The following CLMN variants were observed in gnomAD, a reference collection of about 807,000 sequenced individuals.
The protein encoded by CLMN is calmin (calponin-like, transmembrane).
In CLMN, 57 loss-of-function variants were observed where a neutral mutation model predicts 92.7. The ratio of observed to expected loss-of-function variants is 0.61; its 90% CI spans 0.50 to 0.77. The LOEUF (loss-of-function observed/expected upper bound fraction) is 0.77, where lower values mean the gene tolerates loss of function less well. Among genes scored for constraint, CLMN ranks in the 30% least tolerant of loss-of-function variants. CLMN has a pLI of 0.00. For missense variants in CLMN, 1,158 were observed against 1,237.5 expected (o/e 0.94, Z 0.96); for synonymous variants, 466 against 470.6 (o/e 0.99, Z 0.13).
At chr14:95,276,780 G>A (rs548242364) in intron 1 of CLMN, among the ~76,000 whole-genome samples, 4 of 152,292 alleles carry the variant, frequency 2.6e-5, no homozygotes, top group South Asian at 4.1e-4. Context: ...CTTGCCAGGT[G>A]GATACTGGAC....
chr14:95,212,649 G>A (rs1268986864), intron 6 of CLMN, among the ~76,000 whole-genome samples: 2 of 152,190 alleles, frequency 1.3e-5, no homozygotes, highest in African/African-American at 4.8e-5. Flanking sequence ...ACATGCCCAT[G>A]TTGAGAGGCA....
intron 7 of CLMN, 132 bp downstream of exon 7, chr14:95,210,554 G>A (rs1326358561): frequency 1.2e-6 from 1 of 808,562 alleles, no homozygotes; most frequent in Admixed American, 3.2e-5. Context: ...CATATGATCT[G>A]AGTGGTAGAA....
Position 95,294,955 on chromosome 14 carries a change from C to T in CLMN, c.82+24756G>A, listed in dbSNP as rs567522235. 6.6e-5 allele frequency among the ~76,000 whole-genome samples: 10 copies of T among 152,356 alleles called. No individual in the cohort carries two copies. The highest frequency in any genetic ancestry group is 7.3e-5 in the Non-Finnish European group (5 of 68,038). On this transcript the variant is annotated intron_variant, in intron 1 of 12. Coordinates refer to ENST00000298912, the MANE Select transcript of CLMN (RefSeq NM_024734.4). The surrounding 1 kb of genome is among the most constrained non-coding windows in gnomAD (Gnocchi z 4.2). ...CTCACCAGGCGATAGCTTTGTGGGG[C>T]TCCTATAATTCAGCCCCCTCTTCTT...
At chr14:95,252,452 T>C (rs1170460789) in intron 1 of CLMN, among the ~76,000 whole-genome samples, 1 of 152,220 alleles carries the variant, frequency 6.6e-6, no homozygotes, top group Non-Finnish European at 1.5e-5. Context: ...AATGAGCACC[T>C]TGAATGTTCA....
At chr14:95,262,438 A>C (rs1487084975) in intron 1 of CLMN, among the ~76,000 whole-genome samples, 1 of 152,244 alleles carries the variant, frequency 6.6e-6, no homozygotes, top group Non-Finnish European at 1.5e-5. Flanking sequence ...TGAAATGCCT[A>C]ATAAAAATAG....
intron 1 of CLMN, among the ~76,000 whole-genome samples, chr14:95,234,682 G>A (rs1028905051): frequency 2.8e-4 from 43 of 152,332 alleles, no homozygotes; most frequent in African/African-American, 1.0e-3. Context: ...TCCAGGGGCC[G>A]AGACAGAAGG....
intron 10 of CLMN, among the ~76,000 whole-genome samples, chr14:95,195,603 G>A (rs111561202): frequency 6.6e-6 from 1 of 152,256 alleles, no homozygotes. Flanking sequence ...GGCACAAAAA[G>A]AATGTGGAAT....
chr14:95,237,968 CCT>C (rs1898113186), intron 1 of CLMN, among the ~76,000 whole-genome samples: 1 of 152,210 alleles, frequency 6.6e-6, no homozygotes. Context: ...TGAGCGAGCC[CCT>C]GTGGATCTTT....
intron 1 of CLMN, among the ~76,000 whole-genome samples, chr14:95,240,088 G>A (rs1467801542): frequency 4.6e-5 from 7 of 152,224 alleles, no homozygotes; most frequent in Non-Finnish European, 8.8e-5. Context: ...TCTGAGGTGT[G>A]TAGTAGGCTG....
chr14:95,259,606 G>A lies in CLMN; in HGVS notation c.83-29473C>T, dbSNP rs1017294260. Among the ~76,000 whole-genome samples the A allele has an allele frequency of 6.6e-6, 1 of 152,132 alleles. No individual in the cohort carries two copies. The highest frequency in any genetic ancestry group is 2.4e-5 in the African/African-American group (1 of 41,410). On this transcript the variant is annotated intron_variant, in intron 1 of 12. Coordinates refer to ENST00000298912, the MANE Select transcript of CLMN (RefSeq NM_024734.4). The surrounding 1 kb of genome is among the most constrained non-coding windows in gnomAD (Gnocchi z 4.3). ...GTTTGGGAATCCTGTTTTTGTGCCT[G>A]GTTGGGGGCTAGGAGAGGAGATCAC... is the stretch of plus-strand genomic sequence containing the variant.
At chr14:95,216,914 T>C (rs1034728654) in intron 4 of CLMN, among the ~76,000 whole-genome samples, 1 of 152,204 alleles carries the variant, frequency 6.6e-6, no homozygotes, top group African/African-American at 2.4e-5. Context: ...CAGAAATCTG[T>C]ATTTTAGTAA....
At chr14:95,236,021 G>A (rs1053192412) in intron 1 of CLMN, among the ~76,000 whole-genome samples, 2 of 152,218 alleles carry the variant, frequency 1.3e-5, no homozygotes, top group African/African-American at 4.8e-5. Flanking sequence ...GGGTGAGCCT[G>A]CCCTGCCAAC....
chr14:95,313,693 A>T (rs117541798), intron 1 of CLMN, among the ~76,000 whole-genome samples: 7 of 151,826 alleles, frequency 4.6e-5, no homozygotes, highest in Non-Finnish European at 8.8e-5. Context: ...AAAGGTTTCT[A>T]TGGGAACAGG....
In CLMN at chr14:95,286,763, C is replaced by T. The variant is rs542062725; in HGVS notation, c.82+32948G>A. Among the ~76,000 whole-genome samples the T allele has an allele frequency of 2.6e-5, 4 of 152,194 alleles. No individual in the cohort carries two copies. The East Asian group carries it at 7.7e-4, about 29-fold the overall frequency. ...GGGAGGGGACTGCCCTTCCATGAGG[C>T]AGAGAGAACAGTGAGTTCAAAGGCC... On this transcript the variant is annotated intron_variant, in intron 1 of 12. Coordinates refer to ENST00000298912, the MANE Select transcript of CLMN (RefSeq NM_024734.4).
intron 1 of CLMN, among the ~76,000 whole-genome samples, chr14:95,239,337 A>AGAT (rs1898167098): frequency 6.6e-6 from 1 of 152,142 alleles, no homozygotes; most frequent in Admixed American, 6.6e-5. Flanking sequence ...GGAAGGAAGG[A>AGAT]GATGGGTAAG....
At position 95,193,658 on chromosome 14, in the gene CLMN, T is replaced by C. The variant is rs2282270; in HGVS notation, c.2840+191A>G. Among the ~76,000 whole-genome samples the C allele has an allele frequency of 0.054, 8,163 of 152,272 alleles. 514 individuals are homozygous for C. Among genetic ancestry groups the C allele is most frequent in the East Asian group, 0.32 (1,668 of 5,186 alleles). Reference sequence around the variant, plus strand: ...CCCTAACCATCAGTGTTAATTAATATCTACTTTTCCTTTCTACTCATATTC... The same window carrying C: ...CCCTAACCATCAGTGTTAATTAATACCTACTTTTCCTTTCTACTCATATTC... On this transcript the variant is annotated intron_variant, in intron 12 of 12. Transcript: ENST00000298912.
chr14:95,249,511 CGAG>C (rs1241737174), intron 1 of CLMN, among the ~76,000 whole-genome samples: 1 of 152,108 alleles, frequency 6.6e-6, no homozygotes, highest in Non-Finnish European at 1.5e-5. Context: ...TGGGGTGGAC[CGAG>C]ACAGATGCTG....
At chr14:95,279,784 AAAAAC>A (rs937512247) in intron 1 of CLMN, among the ~76,000 whole-genome samples, 5 of 152,250 alleles carry the variant, frequency 3.3e-5, no homozygotes, top group Non-Finnish European at 5.9e-5. Flanking sequence ...CTCCGTCTCA[AAAAAC>A]AAAACAAAAC....
chr14:95,230,266 T>A (rs975423095), intron 1 of CLMN, 133 bp from the exon 2 acceptor site: 6 of 800,152 alleles, frequency 7.5e-6, no homozygotes, highest in Non-Finnish European at 1.3e-5. Flanking sequence ...AACAGAGGCC[T>A]TTCTGGAAGG....
Sources: gnomAD v4.1 joint callset for allele counts (sites outside exome capture counted in the v4.1 genomes callset) on GRCh38, gnomAD v4.1.1 for gene constraint, Gnocchi (gnomAD v3.1) non-coding constraint, MANE v1.5 for transcripts, NCBI Gene and HGNC (gene_info 2026-07-23, HGNC 2026-07-21) for gene names.